Variants in PPFIA2 observed in about 807,000 individuals in gnomAD.
PPFIA2 encodes the protein liprin-alpha-2.
A neutral mutation model predicts 175.5 loss-of-function variants in PPFIA2; 46 were observed. The observed-to-expected ratio is 0.26, with a 90% CI of 0.21 to 0.34. The LOEUF (loss-of-function observed/expected upper bound fraction) is 0.34. Ranked by LOEUF, PPFIA2 falls within the 10% of genes least tolerant of loss-of-function variation. The probability of loss-of-function intolerance (pLI) is 1.00; values close to 1 mark genes in which losing one functional copy is unlikely to be tolerated. For synonymous variants in PPFIA2, 568 were observed against 511.4 expected (o/e 1.11, Z -1.49); for missense variants, 1,179 against 1,506.1 (o/e 0.78, Z 3.60).
Position 81,308,538 on chromosome 12 carries a change from T to A in PPFIA2, c.2643-9156A>T, listed in dbSNP as rs549472397. Among the ~76,000 whole-genome samples, 29 of 152,282 alleles carry A rather than the reference T, an allele frequency of 1.9e-4. No individual in the cohort carries two copies. In the South Asian group the frequency reaches 5.6e-3, roughly 29 times the overall value. The stretch of plus-strand genomic sequence containing the variant: ...TAGCCAATTAACATTTCTGAAATTT[T>A]TCATAACTGAAAAATGAGGATAATA... On this transcript the variant is annotated intron_variant, in intron 22 of 32. Coordinates refer to ENST00000549396, the MANE Select transcript of PPFIA2 (RefSeq NM_003625.5).
intron 24 of PPFIA2, chr12:81,294,608 C>T: frequency 3.7e-6 from 2 of 538,510 alleles, no homozygotes; most frequent in Non-Finnish European, 6.6e-6. Context: ...ACTTCAGATG[C>T]TAGCTCAAAA....
At chr12:81,375,584 G>A (rs955246721) in intron 10 of PPFIA2, 2 of 571,166 alleles carry the variant, frequency 3.5e-6, no homozygotes, top group Non-Finnish European at 6.1e-6. Context: ...GTAAATCAGA[G>A]TCATTATTTG....
At chr12:81,743,411 CAAAAAAAAAAAAAAAAA>C (rs772497730) in intron 3 of PPFIA2, among the ~76,000 whole-genome samples, 12 of 24,852 alleles carry the variant, frequency 4.8e-4, no homozygotes, top group East Asian at 3.1e-3. Flanking sequence ...GACTCCGTCT[CAAAAAAAAAAAAAAAAA>C]AAAAAAAAAA....
Position 81,383,007 on chromosome 12 carries a change from A to C in PPFIA2, c.984+1016T>G, listed in dbSNP as rs1344242364. On this transcript the variant is annotated intron_variant, in intron 9 of 32. Coordinates refer to ENST00000549396, the MANE Select transcript of PPFIA2 (RefSeq NM_003625.5). Reference sequence around the variant, plus strand: ...GAAAACCAGAAGAGGATAATGTGCTATGAGCCCAGTGAAGAAGTCCTCTGG... The same window carrying C: ...GAAAACCAGAAGAGGATAATGTGCTCTGAGCCCAGTGAAGAAGTCCTCTGG... Among the ~76,000 whole-genome samples, 4 of 152,156 alleles carry C rather than the reference A, an allele frequency of 2.6e-5. No homozygotes were observed. The South Asian group carries it at 8.3e-4, about 31-fold the overall frequency.
At chr12:81,342,683 G>C (rs914695479) in intron 19 of PPFIA2, among the ~76,000 whole-genome samples, 6 of 152,076 alleles carry the variant, frequency 3.9e-5, no homozygotes, top group African/African-American at 1.4e-4. Flanking sequence ...ACTCTTAAGC[G>C]TGTTTCTGAA....
chr12:81,680,106 T>C (rs1376297147), intron 3 of PPFIA2, among the ~76,000 whole-genome samples: 2 of 151,960 alleles, frequency 1.3e-5, no homozygotes, highest in African/African-American at 4.8e-5. Flanking sequence ...TCCTAGAAAG[T>C]TTTTTGACTT....
chr12:81,711,519 T>C (rs2077915383), intron 3 of PPFIA2, among the ~76,000 whole-genome samples: 1 of 151,448 alleles, frequency 6.6e-6, no homozygotes, highest in Admixed American at 6.7e-5. Context: ...TTATCTCCTA[T>C]TGTTTCTTCA....
chr12:81,517,751 C>A (rs11114904), intron 4 of PPFIA2, among the ~76,000 whole-genome samples: 2 of 152,052 alleles, frequency 1.3e-5, no homozygotes, highest in African/African-American at 2.4e-5. Flanking sequence ...AACACAGAAA[C>A]GTTGGTTAGT....
intron 4 of PPFIA2, among the ~76,000 whole-genome samples, chr12:81,670,092 T>C (rs1460736063): frequency 6.6e-6 from 1 of 151,816 alleles, no homozygotes; most frequent in Non-Finnish European, 1.5e-5. Flanking sequence ...GAGGGGAAAA[T>C]AGCAGGAGGT....
chr12:81,648,377 TG>T (rs2066488930), intron 4 of PPFIA2, among the ~76,000 whole-genome samples: 1 of 152,002 alleles, frequency 6.6e-6, no homozygotes, highest in Admixed American at 6.6e-5. Context: ...GAACTAATAG[TG>T]TATACAGTAA....
At chr12:81,742,349 T>C (rs2082424201) in intron 3 of PPFIA2, among the ~76,000 whole-genome samples, 1 of 152,176 alleles carries the variant, frequency 6.6e-6, no homozygotes, top group African/African-American at 2.4e-5. Flanking sequence ...GAAAATTTCA[T>C]CTGATTCGGG....
At chr12:81,630,086 A>C (rs572934690) in intron 4 of PPFIA2, among the ~76,000 whole-genome samples, 2 of 152,300 alleles carry the variant, frequency 1.3e-5, no homozygotes, top group African/African-American at 4.8e-5. Flanking sequence ...CAAGGAATGC[A>C]GGGAGACTCT....
intron 4 of PPFIA2, among the ~76,000 whole-genome samples, chr12:81,660,449 G>C (rs560485228): frequency 6.6e-6 from 1 of 152,142 alleles, no homozygotes; most frequent in Non-Finnish European, 1.5e-5. Context: ...GGGTATCAGC[G>C]ATGGAAGATG....
chr12:81,575,581 C>A (rs1273741580), intron 4 of PPFIA2, among the ~76,000 whole-genome samples: 1 of 151,666 alleles, frequency 6.6e-6, no homozygotes, highest in Non-Finnish European at 1.5e-5. Context: ...ATGGGCTCTG[C>A]TCTCTGGAAA....
chr12:81,623,042 T>C (rs1257827794), intron 4 of PPFIA2, among the ~76,000 whole-genome samples: 7 of 152,122 alleles, frequency 4.6e-5, no homozygotes, highest in Admixed American at 3.9e-4. Flanking sequence ...GTTTTGCTTT[T>C]CAGAAAGAGA....
chr12:81,611,108 G>A (rs2060858116), intron 4 of PPFIA2, among the ~76,000 whole-genome samples: 1 of 152,090 alleles, frequency 6.6e-6, no homozygotes, highest in South Asian at 2.1e-4. Context: ...TCGCGGGGAG[G>A]AATAAAGATG....
intron 3 of PPFIA2, among the ~76,000 whole-genome samples, chr12:81,690,669 T>C (rs2075129235): frequency 6.6e-6 from 1 of 152,118 alleles, no homozygotes; most frequent in African/African-American, 2.4e-5. Flanking sequence ...ATTAATTTCC[T>C]ATTGCTTCTG....
chr12:81,515,139 AAAAC>A (rs1009657660), intron 4 of PPFIA2, among the ~76,000 whole-genome samples: 2 of 152,010 alleles, frequency 1.3e-5, no homozygotes, highest in Non-Finnish European at 2.9e-5. Context: ...ATCATAATAA[AAAAC>A]AAACTGCCAA....
At chr12:81,267,222 G>A (rs773242241) in intron 29 of PPFIA2, 2 of 574,942 alleles carry the variant, frequency 3.5e-6, no homozygotes, top group Non-Finnish European at 6.4e-6. Context: ...TCTGTGAACA[G>A]TAGAGAGACA....
Sources: allele counts gnomAD v4.1 joint callset (sites outside exome capture counted in the v4.1 genomes callset), GRCh38; gene constraint gnomAD v4.1.1; transcripts MANE v1.5; gene names NCBI Gene and HGNC (gene_info 2026-07-23, HGNC 2026-07-21).